Variants in SHC3 observed in about 807,000 individuals in gnomAD.
SHC3 encodes SHC-transforming protein 3.
A neutral mutation model predicts 60.4 loss-of-function variants in SHC3; 15 were observed. The ratio of observed to expected loss-of-function variants is 0.25; its 90% CI spans 0.17 to 0.38. The LOEUF (loss-of-function observed/expected upper bound fraction) is 0.38, where lower values mean the gene tolerates loss of function less well. Ranked by LOEUF, SHC3 falls within the 10% of genes least tolerant of loss-of-function variation. The pLI is 1.00. For synonymous variants in SHC3, 294 were observed against 325.9 expected (o/e 0.90, Z 1.05); for missense variants, 677 against 786.1 (o/e 0.86, Z 1.66).
chr9:89,077,692 C>T, intron 3 of SHC3, 148 bp downstream of exon 3: 1 of 866,910 alleles, frequency 1.2e-6, no homozygotes, highest in Non-Finnish European at 1.8e-6. Flanking sequence ...AGAGAGAAAG[C>T]AATCTAAGCC....
intron 3 of SHC3, among the ~76,000 whole-genome samples, chr9:89,077,145 C>A (rs867149751): frequency 1.3e-5 from 2 of 151,766 alleles, no homozygotes; most frequent in African/African-American, 2.4e-5. Flanking sequence ...CCACTGCACT[C>A]CAGCCCGGGG....
chr9:89,155,585 C>T (rs191945572), intron 1 of SHC3, among the ~76,000 whole-genome samples: 25 of 152,256 alleles, frequency 1.6e-4, no homozygotes, highest in Admixed American at 1.6e-3. Flanking sequence ...TTCTGGAGTG[C>T]CACTGAGCCC....
chr9:89,144,418 C>A (rs1323615969), intron 1 of SHC3, among the ~76,000 whole-genome samples: 1 of 152,132 alleles, frequency 6.6e-6, no homozygotes, highest in Admixed American at 6.5e-5. Flanking sequence ...TAGGCCCCAC[C>A]CCAGAATTTC....
At chr9:89,144,117 T>A (rs1264344771) in intron 1 of SHC3, among the ~76,000 whole-genome samples, 1 of 152,062 alleles carries the variant, frequency 6.6e-6, no homozygotes, top group Admixed American at 6.5e-5. Context: ...AATGGTAGGG[T>A]AAGTCATAAT....
chr9:89,065,011 G>A (rs1189060711), intron 6 of SHC3, among the ~76,000 whole-genome samples: 1 of 152,122 alleles, frequency 6.6e-6, no homozygotes, highest in Non-Finnish European at 1.5e-5. Flanking sequence ...AGCCACCCCA[G>A]GTATGCTACC....
At chr9:89,066,796 C>T (rs1176936435) in intron 5 of SHC3, among the ~76,000 whole-genome samples, 1 of 152,162 alleles carries the variant, frequency 6.6e-6, no homozygotes, top group Non-Finnish European at 1.5e-5. Context: ...AAGGAGACAT[C>T]CCCTTCTCTC....
In SHC3 at chr9:89,052,163, G is replaced by T; in HGVS notation, c.836C>A (p.Ala279Asp). The part of the protein sequence containing the change: ...YVAKDPVNRR[A>D]CHILECCDGL... ...ATCACAGCATTCCAAAATGTGACAA[G>T]CTGGGAAAGCAAGTGACATGGGCCT... The change falls in exon 7 of 12, where the codon GCT (alanine) becomes GAT (aspartate). Residue 279 changes from alanine (A) to aspartate (D), a missense_variant and splice_region_variant. Coordinates refer to ENST00000375835, the MANE Select transcript of SHC3 (RefSeq NM_016848.6). The T allele has an allele frequency of 6.2e-7, 1 of 1,613,564 alleles. No homozygotes were observed. The highest frequency in any genetic ancestry group is 8.5e-7 in the Non-Finnish European group (1 of 1,179,648).
At chr9:89,035,867 G>A (rs1358096208) in intron 11 of SHC3, among the ~76,000 whole-genome samples, 30 of 125,464 alleles carry the variant, frequency 2.4e-4, no homozygotes, top group East Asian at 1.4e-3. Context: ...GTGTGTGTGT[G>A]TGTGTGTGTG....
chr9:89,109,442 ATGATGGAG>A, intron 2 of SHC3: 1 of 985,478 alleles, frequency 1.0e-6, no homozygotes, highest in Non-Finnish European at 1.2e-6. Context: ...GCTCAGAGAC[ATGATGGAG>A]TGAAAGGATT....
At chr9:89,045,048 CG>C (rs1824749531) in intron 9 of SHC3, among the ~76,000 whole-genome samples, 1 of 152,046 alleles carries the variant, frequency 6.6e-6, no homozygotes, top group African/African-American at 2.4e-5. Context: ...GTAGGAGTCA[CG>C]GGGGCTCAAC....
chr9:89,166,106 T>C (rs117347094), intron 1 of SHC3, among the ~76,000 whole-genome samples: 1,799 of 152,258 alleles, frequency 0.012, 15 homozygotes, highest in South Asian at 0.037. Flanking sequence ...CTCCTGGAGA[T>C]GGGCCCACAC....
At chr9:89,156,352 G>A (rs1478929010) in intron 1 of SHC3, among the ~76,000 whole-genome samples, 1 of 152,070 alleles carries the variant, frequency 6.6e-6, no homozygotes, top group Admixed American at 6.5e-5. Flanking sequence ...AGTCCCAGTT[G>A]ACATCTAATA....
intron 6 of SHC3, among the ~76,000 whole-genome samples, 180 bp downstream of exon 6, chr9:89,065,349 C>T (rs1564114442): frequency 1.3e-5 from 2 of 152,042 alleles, no homozygotes; most frequent in South Asian, 2.1e-4. Context: ...CAGAGAGGTC[C>T]GGTACCTCCT....
chr9:89,022,460 C>T (rs541018797), intron 11 of SHC3, among the ~76,000 whole-genome samples: 7 of 152,196 alleles, frequency 4.6e-5, no homozygotes, highest in Non-Finnish European at 1.0e-4. Context: ...CAATAAGCCT[C>T]AGCATTCACA....
chr9:89,015,061 G>A (rs941878844), intron 11 of SHC3, among the ~76,000 whole-genome samples: 1 of 152,158 alleles, frequency 6.6e-6, no homozygotes, highest in Non-Finnish European at 1.5e-5. Flanking sequence ...TAACCTGTTG[G>A]GCAAGTTCAA....
chr9:89,132,377 G>A (rs1210983016), intron 1 of SHC3, among the ~76,000 whole-genome samples: 4 of 152,014 alleles, frequency 2.6e-5, no homozygotes, highest in African/African-American at 4.8e-5. Flanking sequence ...TCAAGCTATC[G>A]ACGACTTTCT....
In SHC3 at chr9:89,039,209, T is replaced by C. The variant is rs1367215639; in HGVS notation, c.1361-921A>G. On this transcript the variant is annotated intron_variant, in intron 10 of 11. Coordinates refer to ENST00000375835, the MANE Select transcript of SHC3 (RefSeq NM_016848.6). ...AGCAGCACAAGAACAGGAGTGGTTC[T>C]TTCCTGAGCATAACTACACCCTCAG... Among the ~76,000 whole-genome samples the C allele has an allele frequency of 3.3e-5, 5 of 152,342 alleles. No homozygotes were observed. In the East Asian group the frequency reaches 9.6e-4, roughly 29 times the overall value.
rs578109484 is a variant in SHC3 at position 89,103,354 on chromosome 9, G to A, written c.545+9202C>T. On this transcript the variant is annotated intron_variant, in intron 2 of 11. Transcript: ENST00000375835. Reference sequence around the variant, plus strand: ...CAAGCTTTTGAGTTTGGGAGACCACGTGGATTGCAGTTACAAGAAGAATTC... The same window carrying A: ...CAAGCTTTTGAGTTTGGGAGACCACATGGATTGCAGTTACAAGAAGAATTC... Among the ~76,000 whole-genome samples, 15 of 152,280 alleles carry A rather than the reference G, an allele frequency of 9.9e-5. No homozygotes were observed. In the South Asian group the frequency reaches 1.2e-3, roughly 13 times the overall value.
chr9:89,019,422 T>C (rs184251093), intron 11 of SHC3, among the ~76,000 whole-genome samples: 62 of 151,538 alleles, frequency 4.1e-4, no homozygotes, highest in African/African-American at 1.5e-3. Context: ...GACAGTAAGA[T>C]AGAAAAGAAA....
Sources: allele counts gnomAD v4.1 joint callset (sites outside exome capture counted in the v4.1 genomes callset), GRCh38; gene constraint gnomAD v4.1.1; transcripts MANE v1.5; gene names NCBI Gene and HGNC (gene_info 2026-07-23, HGNC 2026-07-21).